CDIN1: variants seen among roughly 807,000 people sequenced by gnomAD.
CDIN1 encodes CDAN1 interacting nuclease 1, also known as CDAN1-interacting nuclease 1.
In CDIN1, 33 loss-of-function variants were observed where a neutral mutation model predicts 45.3. The observed-to-expected ratio is 0.73, with a 90% CI of 0.55 to 0.97. The LOEUF is 0.97. Among genes scored for constraint, CDIN1 ranks in the 50% least tolerant of loss-of-function variants. CDIN1 has a pLI of 0.00. For synonymous variants in CDIN1, 118 were observed against 124.4 expected (o/e 0.95, Z 0.34); for missense variants, 303 against 339.4 (o/e 0.89, Z 0.84).
intron 10 of CDIN1, among the ~76,000 whole-genome samples, chr15:36,754,089 C>T (rs917568561): frequency 4.6e-5 from 7 of 152,134 alleles, no homozygotes; most frequent in African/African-American, 1.4e-4. Context: ...CCGTTTTGTA[C>T]AGACTTATGC....
intron 1 of CDIN1, among the ~76,000 whole-genome samples, chr15:36,640,414 G>C (rs2040061622): frequency 6.6e-6 from 1 of 152,172 alleles, no homozygotes; most frequent in East Asian, 1.9e-4. Context: ...GTATATCCAA[G>C]TATAATGCTT....
At chr15:36,699,383 A>G (rs928973800) in intron 8 of CDIN1, among the ~76,000 whole-genome samples, 1 of 152,188 alleles carries the variant, frequency 6.6e-6, no homozygotes, top group African/African-American at 2.4e-5. Context: ...TTTAAAGCCA[A>G]CTATGGAAAA....
chr15:36,602,851 G>A (rs907236074), intron 1 of CDIN1, among the ~76,000 whole-genome samples: 1 of 152,150 alleles, frequency 6.6e-6, no homozygotes, highest in African/African-American at 2.4e-5. Context: ...AGCCAGGCGT[G>A]GTGGCAGGCA....
chr15:36,773,075 G>A (rs915705185), intron 10 of CDIN1, among the ~76,000 whole-genome samples: 5 of 151,972 alleles, frequency 3.3e-5, no homozygotes, highest in Admixed American at 1.3e-4. Flanking sequence ...TGTGGGGGGT[G>A]GGGGGAGGTT....
chr15:36,738,710 C>T (rs1000747716), intron 10 of CDIN1, among the ~76,000 whole-genome samples: 5 of 152,102 alleles, frequency 3.3e-5, no homozygotes, highest in Admixed American at 2.6e-4. Context: ...CCTAATCTGA[C>T]CCCCCCAACA....
chr15:36,738,552 C>T (rs2044117167), intron 10 of CDIN1, among the ~76,000 whole-genome samples: 1 of 152,116 alleles, frequency 6.6e-6, no homozygotes, highest in African/African-American at 2.4e-5. Context: ...TCTGCAACAG[C>T]CATTCTGGCC....
Position 36,579,727 on chromosome 15 carries a change from G to T in CDIN1, c.-134G>T, listed in dbSNP as rs1296446391. ...GCAGCTAGGGGTGTGTTTCAGGGGGGATTGGGGCAAGCCAAGCAGGCGAGG... is the reference window on the plus strand; with the variant it reads ...GCAGCTAGGGGTGTGTTTCAGGGGGTATTGGGGCAAGCCAAGCAGGCGAGG... On this transcript the variant is annotated 5_prime_UTR_variant, in exon 1 of 11. Transcript: ENST00000566621. The T allele has an allele frequency of 4.5e-6, 3 of 667,244 alleles. No homozygotes were observed. The highest frequency in any genetic ancestry group is 1.8e-5 in the African/African-American group (1 of 55,356). 41.3% of individuals were successfully genotyped at this position (667,244 alleles called of 1,614,324 possible).
At chr15:36,732,712 A>C (rs568919467) in intron 10 of CDIN1, among the ~76,000 whole-genome samples, 2 of 152,062 alleles carry the variant, frequency 1.3e-5, no homozygotes, top group African/African-American at 2.4e-5. Context: ...CTTTGTATAC[A>C]TTGAAATTGT....
chr15:36,761,395 G>A (rs1566956169), intron 10 of CDIN1, among the ~76,000 whole-genome samples: 4 of 152,148 alleles, frequency 2.6e-5, no homozygotes, highest in South Asian at 2.1e-4. Flanking sequence ...GCATCCCAAG[G>A]CTTTCTTTAG....
intron 10 of CDIN1, among the ~76,000 whole-genome samples, chr15:36,777,073 A>C (rs2054237361): frequency 6.6e-6 from 1 of 152,116 alleles, no homozygotes; most frequent in Admixed American, 6.5e-5. Flanking sequence ...TTTACTGGGG[A>C]AAAAAATACT....
intron 10 of CDIN1, among the ~76,000 whole-genome samples, chr15:36,717,043 T>C (rs2043239899): frequency 6.6e-6 from 1 of 152,176 alleles, no homozygotes; most frequent in African/African-American, 2.4e-5. Flanking sequence ...TTAATGGGCT[T>C]GCTAAGCTAA....
chr15:36,600,860 C>A (rs750859455), intron 1 of CDIN1, among the ~76,000 whole-genome samples: 1 of 151,994 alleles, frequency 6.6e-6, no homozygotes, highest in Non-Finnish European at 1.5e-5. Context: ...AGAAATGGAT[C>A]CTAGATGAAT....
chr15:36,739,264 A>T (rs1272060754), intron 10 of CDIN1, among the ~76,000 whole-genome samples: 1 of 152,172 alleles, frequency 6.6e-6, no homozygotes, highest in Non-Finnish European at 1.5e-5. Flanking sequence ...AAAAAGCCAG[A>T]CATAGTGGCA....
Position 36,809,636 on chromosome 15 carries a change from T to G in CDIN1, c.*1183T>G, listed in dbSNP as rs1259468019. The G allele has an allele frequency of 6.6e-6, 1 of 152,180 alleles. No homozygotes were observed. Among genetic ancestry groups the G allele is most frequent in the African/African-American group, 2.4e-5 (1 of 41,438 alleles). The allele number at this position is 152,180 out of a possible 1,614,324, so 9.4% of individuals were successfully genotyped here. On this transcript the variant is annotated 3_prime_UTR_variant, in exon 11 of 11. Coordinates refer to ENST00000566621, the MANE Select transcript of CDIN1 (RefSeq NM_001321759.2). Reference sequence around the variant, plus strand: ...CCCAAAACGTATTTAGTAAAATATTTGCCCCCGCCACCCTGCCATGCTGAC... The same window carrying G: ...CCCAAAACGTATTTAGTAAAATATTGGCCCCCGCCACCCTGCCATGCTGAC...
chr15:36,771,033 T>C (rs1394409711), intron 10 of CDIN1, among the ~76,000 whole-genome samples: 1 of 152,122 alleles, frequency 6.6e-6, no homozygotes, highest in Non-Finnish European at 1.5e-5. Context: ...GACTGCTGGA[T>C]AGTGATGAGA....
intron 1 of CDIN1, among the ~76,000 whole-genome samples, chr15:36,598,102 C>A (rs2037922192): frequency 6.6e-6 from 1 of 152,094 alleles, no homozygotes; most frequent in African/African-American, 2.4e-5. Flanking sequence ...GTGATCCTTA[C>A]ACCTCACGCT....
intron 10 of CDIN1, among the ~76,000 whole-genome samples, chr15:36,753,922 G>T (rs936733659): frequency 6.8e-6 from 1 of 146,178 alleles, no homozygotes; most frequent in Admixed American, 7.3e-5. Context: ...GGGAAAATTG[G>T]AAGAAGAGGA....
At chr15:36,617,811 T>C in intron 1 of CDIN1, 2 of 805,228 alleles carry the variant, frequency 2.5e-6, no homozygotes, top group South Asian at 2.7e-5. Context: ...TATATCACTT[T>C]CCAGTCAGAC....
chr15:36,732,269 C>T (rs932836171), intron 10 of CDIN1, among the ~76,000 whole-genome samples: 5 of 151,732 alleles, frequency 3.3e-5, no homozygotes, highest in African/African-American at 1.2e-4. Flanking sequence ...TTCAACAAGA[C>T]AAAGGCACAA....
Sources: allele counts gnomAD v4.1 joint callset (sites outside exome capture counted in the v4.1 genomes callset), GRCh38; gene constraint gnomAD v4.1.1; transcripts MANE v1.5; gene names NCBI Gene and HGNC (gene_info 2026-07-23, HGNC 2026-07-21).